The following NBPF9 variants were observed in gnomAD, a reference collection of about 807,000 sequenced individuals.
NBPF9 encodes NBPF member 9.
A neutral mutation model predicts 97.8 loss-of-function variants in NBPF9; 91 were observed. That is an observed-to-expected ratio of 0.93 (90% CI 0.79 to 1.11). The LOEUF is 1.11. Ranked by LOEUF, NBPF9 falls within the 50% of genes least tolerant of loss-of-function variation. The probability of loss-of-function intolerance (pLI) is 0.00; values close to 1 mark genes in which losing one functional copy is unlikely to be tolerated. For synonymous variants in NBPF9, 334 were observed against 359.5 expected (o/e 0.93, Z 0.80); for missense variants, 992 against 939.5 (o/e 1.06, Z -0.73).
At chr1:149,101,068 T>C (rs1288250281) in intron 3 of NBPF9, among the ~76,000 whole-genome samples, 194 bp downstream of exon 3, 20 of 151,334 alleles carry the variant, frequency 1.3e-4, no homozygotes, top group Non-Finnish European at 2.1e-4. Flanking sequence ...AAGGAAAAGA[T>C]TGATAAAGTA....
intron 5 of NBPF9, among the ~76,000 whole-genome samples, chr1:149,082,979 T>TTTTTTTTTTTTTTA (rs2080645617): frequency 7.7e-6 from 1 of 129,982 alleles, no homozygotes; most frequent in Non-Finnish European, 1.6e-5. Context: ...TTTTTTTTTT[T>TTTTTTTTTTTTTTA]TTTGTATTTT....
intron 14 of NBPF9, among the ~76,000 whole-genome samples, chr1:149,072,314 A>G (rs587710937): frequency 1.2e-4 from 18 of 152,268 alleles, no homozygotes; most frequent in Admixed American, 3.3e-4. Context: ...TGCCACGGAG[A>G]GAGACAAACT....
At chr1:149,074,706 C>A (rs1486693888) in intron 12 of NBPF9, among the ~76,000 whole-genome samples, 1 of 151,342 alleles carries the variant, frequency 6.6e-6, no homozygotes, top group Non-Finnish European at 1.5e-5. Flanking sequence ...TTCTCGGGTG[C>A]GAACTTTCTT....
In NBPF9 at chr1:149,062,275, TAG is replaced by T; in HGVS notation, c.2079-12_2079-11del. 1.5e-6 allele frequency: 1 copy of T among 658,580 alleles called. No homozygotes were observed. The highest frequency in any genetic ancestry group is 2.7e-6 in the Non-Finnish European group (1 of 366,224). 40.8% of individuals were successfully genotyped at this position (658,580 alleles called of 1,614,324 possible). On this transcript the variant is annotated splice_polypyrimidine_tract_variant and intron_variant, in intron 21 of 29. Transcript: ENST00000584027. Reference sequence around the variant, plus strand: ...CAGCTCCCTGCTGAGCCTGGAAAAGTAGGAAAAAGTAAAGAATAAGCCAGGGG... The same window carrying T: ...CAGCTCCCTGCTGAGCCTGGAAAAGTGAAAAAGTAAAGAATAAGCCAGGGG...
rs1170592811 is a variant in NBPF9 at position 149,077,874 on chromosome 1, C to T, written c.566+9G>A. ...CACCCATTACTTGCTCCTGAGTATT[C>T]AGTGTTACCTGGGGGCAGATGATTC... On this transcript the variant is annotated intron_variant, in intron 10 of 29. Coordinates refer to ENST00000584027, the Ensembl canonical transcript of NBPF9. 22 of 1,576,348 alleles carry T rather than the reference C, an allele frequency of 1.4e-5. No homozygotes were observed. Among genetic ancestry groups the T allele is most frequent in the Non-Finnish European group, 8.7e-7 (1 of 1,147,852 alleles).
At chr1:149,073,697 C>T (rs1198979645) in intron 13 of NBPF9, 71 bp downstream of exon 13, 2 of 1,225,724 alleles carry the variant, frequency 1.6e-6, no homozygotes, top group Non-Finnish European at 2.4e-6. Context: ...TCTTACGTCT[C>T]CCCACCGAGC....
chr1:149,071,693 G>A lies in NBPF9; in HGVS notation c.1307-17C>T. The A allele has an allele frequency of 1.6e-6, 2 of 1,261,186 alleles. 1 individual carries two copies. The allele number at this position is 1,261,186 out of a possible 1,614,324, so 78.1% of individuals were successfully genotyped here. On this transcript the variant is annotated splice_polypyrimidine_tract_variant and intron_variant, in intron 14 of 29. Coordinates refer to ENST00000584027, the Ensembl canonical transcript of NBPF9. ...TGTCATTTTCTGTAAATACAGAAGT[G>A]TTCGTTCAGATATTTCCCACTTCAC...
chr1:149,103,373 CG>C (rs1447232824), exon 1 of NBPF9: 1 of 151,910 alleles, frequency 6.6e-6, no homozygotes, highest in Non-Finnish European at 1.5e-5. Flanking sequence ...CGCCGCGCCT[CG>C]GCCCGCTCCT....
At chr1:149,097,738 C>G (rs1378063764) in intron 4 of NBPF9, among the ~76,000 whole-genome samples, 6 of 152,060 alleles carry the variant, frequency 3.9e-5, no homozygotes, top group African/African-American at 1.5e-4. Context: ...TATGGGGTCT[C>G]TAGCCCAGAG....
At chr1:149,055,518 T>A in exon 30 of NBPF9, 1 of 1,542,234 alleles carries the variant, frequency 6.5e-7, no homozygotes, top group Non-Finnish European at 8.7e-7. Context: ...TGGCATGGTT[T>A]GAGAATAGGA....
At chr1:149,060,026 C>T (rs2078497128) in intron 24 of NBPF9, 1 of 359,780 alleles carries the variant, frequency 2.8e-6, no homozygotes, top group Non-Finnish European at 5.1e-6. Context: ...TCTAGTAGAT[C>T]GTTATCCCAA....
chr1:149,055,814 A>T, exon 30 of NBPF9: 1 of 1,610,112 alleles, frequency 6.2e-7, no homozygotes, highest in Non-Finnish European at 8.5e-7. Context: ...GGTAGTTCAA[A>T]GTACATTGAC....
rs587667460 is a variant in NBPF9, at chr1:149,068,129, C to G, written c.1637+1465G>C. On this transcript the variant is annotated intron_variant, in intron 17 of 29. Transcript: ENST00000584027. ...CTTACAAGAGCTCCTAAAGGAAGCA[C>G]TAAACATGGAAAGGAACAACCGGTA... Among the ~76,000 whole-genome samples, 6 of 148,174 alleles carry G rather than the reference C, an allele frequency of 4.0e-5. 1 individual carries two copies. Among genetic ancestry groups the G allele is most frequent in the South Asian group, 2.1e-4 (1 of 4,654 alleles).
chr1:149,074,726 C>G (rs1352999920), intron 12 of NBPF9, among the ~76,000 whole-genome samples: 3 of 151,504 alleles, frequency 2.0e-5, no homozygotes, highest in Middle Eastern at 3.4e-3. Context: ...TCCTCTTTAG[C>G]AACAAGACTC....
chr1:149,090,391 A>G (rs1225952711), intron 5 of NBPF9: 1 of 232,062 alleles, frequency 4.3e-6, no homozygotes, highest in Non-Finnish European at 8.4e-6. Context: ...AACCAATTCT[A>G]TGACCATCTG....
rs782070541 is a variant in NBPF9, at chr1:149,081,980, G to A, written c.160C>T (p.Arg54Ter). 33 of 1,594,584 alleles carry A rather than the reference G, an allele frequency of 2.1e-5. No homozygotes were observed. Among genetic ancestry groups the A allele is most frequent in the East Asian group, 1.6e-4 (7 of 44,586 alleles). ...TAGATCTTACTGTATTTCTTCTGTC[G>A]GTTGGCCAGGAAGCCGGCCAGTTGA... Residue 54 changes from arginine to a stop codon, truncating the protein, a stop_gained, in exon 7 of 30, where the codon CGA becomes TGA. Transcript: ENST00000584027. LOFTEE classifies it high-confidence loss of function.
intron 12 of NBPF9, among the ~76,000 whole-genome samples, chr1:149,074,135 A>G (rs2152897222): frequency 6.6e-6 from 1 of 151,448 alleles, no homozygotes; most frequent in East Asian, 1.9e-4. Flanking sequence ...TGGAGTCAGA[A>G]TTCACAGTCC....
intron 5 of NBPF9, among the ~76,000 whole-genome samples, chr1:149,089,993 C>T (rs2081312334): frequency 6.6e-6 from 1 of 152,122 alleles, no homozygotes; most frequent in African/African-American, 2.4e-5. Context: ...GCCCACAAGC[C>T]TCAGCCATGC....
At chr1:149,095,861 G>A (rs1451205111) in intron 4 of NBPF9, among the ~76,000 whole-genome samples, 2 of 151,746 alleles carry the variant, frequency 1.3e-5, no homozygotes, top group Non-Finnish European at 2.9e-5. Flanking sequence ...GAAATCAAAA[G>A]TGTACAGTCA....
Sources: gnomAD v4.1 joint callset for allele counts (sites outside exome capture counted in the v4.1 genomes callset) on GRCh38, gnomAD v4.1.1 for gene constraint, MANE v1.5 for transcripts, NCBI Gene and HGNC (gene_info 2026-07-23, HGNC 2026-07-21) for gene names.